SLC2A9: variants seen among roughly 807,000 people sequenced by gnomAD.
SLC2A9 encodes the protein solute carrier family 2 member 9.
In SLC2A9, 39 loss-of-function variants were observed where a neutral mutation model predicts 50.6. That is an observed-to-expected ratio of 0.77 (90% CI 0.60 to 1.01). The LOEUF (loss-of-function observed/expected upper bound fraction) is 1.01, where lower values mean the gene tolerates loss of function less well. Among genes scored for constraint, SLC2A9 ranks in the 50% least tolerant of loss-of-function variants. SLC2A9 has a pLI of 0.00. For synonymous variants in SLC2A9, 324 were observed against 276.9 expected (o/e 1.17, Z -1.69); for missense variants, 686 against 677.6 (o/e 1.01, Z -0.14).
At chr4:9,866,319 T>C (rs1732461750) in intron 10 of SLC2A9, among the ~76,000 whole-genome samples, 1 of 152,020 alleles carries the variant, frequency 6.6e-6, no homozygotes, top group Non-Finnish European at 1.5e-5. Context: ...CCTCCTCCAA[T>C]ATGTTAATCC....
At chr4:10,026,151 G>T (rs775907829), upstream of SLC2A9, 15 of 621,778 alleles carry the variant, frequency 2.4e-5, no homozygotes, top group Non-Finnish European at 3.4e-5. Context: ...CAGCATCCTC[G>T]CTTGGGCATC....
rs138947064 is a variant in SLC2A9 at position 9,922,442 on chromosome 4, C to A, written c.815-1870G>T. On this transcript the variant is annotated intron_variant, in intron 6 of 11. Coordinates refer to ENST00000264784, the MANE Select transcript of SLC2A9 (RefSeq NM_020041.3). ...GGCGCATGTTGACCTATGTAACAAA[C>A]CTGCACATCCTGCACATGTATCCTG... is the stretch of plus-strand genomic sequence containing the variant. Among the ~76,000 whole-genome samples, 85 of 148,488 alleles carry A rather than the reference C, an allele frequency of 5.7e-4. 1 individual carries two copies. The East Asian group carries it at 0.014, about 24-fold the overall frequency.
intron 3 of SLC2A9, among the ~76,000 whole-genome samples, chr4:9,988,188 T>A (rs1266953501): frequency 6.6e-6 from 1 of 152,218 alleles, no homozygotes. Context: ...CTGGGAGCAG[T>A]GCACTTAGTG....
chr4:9,786,113 C>G (rs560507257), intron 3 of SLC2A9, among the ~76,000 whole-genome samples: 19 of 152,312 alleles, frequency 1.2e-4, no homozygotes, highest in African/African-American at 4.3e-4. Context: ...AGAAGAGCGT[C>G]ATAGGATTAA....
chr4:9,782,586 C>A, intron 3 of SLC2A9: 1 of 1,613,964 alleles, frequency 6.2e-7, no homozygotes, highest in African/African-American at 1.3e-5. Context: ...GACCAGGCGG[C>A]CTCTTGGGGC....
intron 3 of SLC2A9, among the ~76,000 whole-genome samples, chr4:9,805,382 C>A (rs1196485932): frequency 6.6e-6 from 1 of 152,196 alleles, no homozygotes. Context: ...AGCAAAACCT[C>A]CTGGTCACTT....
intron 1 of SLC2A9, among the ~76,000 whole-genome samples, chr4:10,031,554 G>A (rs1763941058): frequency 6.6e-6 from 1 of 152,228 alleles, no homozygotes; most frequent in Non-Finnish European, 1.5e-5. Context: ...AGTCTTTGAC[G>A]GCTTCCAAAG....
chr4:9,947,713 C>T (rs1749453205), intron 5 of SLC2A9, among the ~76,000 whole-genome samples: 2 of 152,160 alleles, frequency 1.3e-5, no homozygotes, highest in South Asian at 4.1e-4. Context: ...ACACTCTGAG[C>T]CAACATTTCC....
chr4:9,791,708 A>G (rs921201763), intron 3 of SLC2A9, among the ~76,000 whole-genome samples: 15 of 152,150 alleles, frequency 9.9e-5, no homozygotes, highest in Non-Finnish European at 5.9e-5. Flanking sequence ...TGAACCTGCT[A>G]ATAATCACAT....
intron 10 of SLC2A9, among the ~76,000 whole-genome samples, chr4:9,853,965 A>C (rs751399647): frequency 1.7e-4 from 26 of 152,156 alleles, no homozygotes; most frequent in Non-Finnish European, 2.9e-4. Context: ...AATATATAAC[A>C]TACCAGAATC....
At chr4:9,948,059 C>A (rs1287504456) in intron 5 of SLC2A9, among the ~76,000 whole-genome samples, 1 of 152,082 alleles carries the variant, frequency 6.6e-6, no homozygotes, top group Non-Finnish European at 1.5e-5. Context: ...AGCTGGTTGC[C>A]CCTCCCACTC....
downstream of SLC2A9, among the ~76,000 whole-genome samples, chr4:9,798,241 G>A (rs547085891): frequency 6.6e-6 from 1 of 152,294 alleles, no homozygotes; most frequent in South Asian, 2.1e-4. Flanking sequence ...CTGAGAAGTA[G>A]CAGGAGGCTT....
At chr4:10,007,344 T>G (rs1335885560) in intron 2 of SLC2A9, among the ~76,000 whole-genome samples, 1 of 152,226 alleles carries the variant, frequency 6.6e-6, no homozygotes, top group East Asian at 1.9e-4. Context: ...GAGGCTCCTG[T>G]GCCTCCAGAC....
At chr4:9,823,636 C>T (rs555252147), downstream of SLC2A9, among the ~76,000 whole-genome samples, 22 of 152,126 alleles carry the variant, frequency 1.4e-4, no homozygotes, top group East Asian at 3.9e-3. Context: ...GAAAGTAATA[C>T]AATATTAAGG....
chr4:9,799,802 CA>C (rs1174047260), intron 3 of SLC2A9, among the ~76,000 whole-genome samples: 3 of 148,304 alleles, frequency 2.0e-5, no homozygotes, highest in Admixed American at 1.4e-4. Context: ...GGGCAGTGGC[CA>C]AAACACAAAC....
intron 8 of SLC2A9, among the ~76,000 whole-genome samples, chr4:9,895,460 C>T (rs886088486): frequency 6.6e-6 from 1 of 152,304 alleles, no homozygotes; most frequent in Admixed American, 6.5e-5. Context: ...TGAGTGAAGA[C>T]ATTAACTCAG....
chr4:9,848,270 T>C (rs1378447215), intron 10 of SLC2A9, among the ~76,000 whole-genome samples: 1 of 151,848 alleles, frequency 6.6e-6, no homozygotes, highest in South Asian at 2.1e-4. Context: ...CAATGGCGCC[T>C]TTTTCCCCTT....
chr4:9,862,334 G>A (rs1046177352), intron 10 of SLC2A9, among the ~76,000 whole-genome samples: 8 of 152,016 alleles, frequency 5.3e-5, no homozygotes, highest in African/African-American at 9.7e-5. Flanking sequence ...GAGACTCAAC[G>A]TTCTTTTCCT....
At chr4:9,844,168 A>T (rs1728563950) in intron 10 of SLC2A9, among the ~76,000 whole-genome samples, 1 of 147,996 alleles carries the variant, frequency 6.8e-6, no homozygotes, top group South Asian at 2.2e-4. Flanking sequence ...AATAATAATA[A>T]AAAAAAAAAA....
Sources: gnomAD v4.1 joint callset for allele counts (sites outside exome capture counted in the v4.1 genomes callset) on GRCh38, gnomAD v4.1.1 for gene constraint, MANE v1.5 for transcripts, NCBI Gene and HGNC (gene_info 2026-07-23, HGNC 2026-07-21) for gene names.